CLDN10: variants seen among roughly 807,000 people sequenced by gnomAD.
CLDN10 encodes claudin-10.
Under a neutral mutation model 22.9 loss-of-function variants are expected in CLDN10, and 15 were observed. The ratio of observed to expected loss-of-function variants is 0.65; its 90% CI spans 0.44 to 1.01. The LOEUF (loss-of-function observed/expected upper bound fraction) is 1.01, where lower values mean the gene tolerates loss of function less well. CLDN10 is among the 50% of genes least tolerant of loss of function. The pLI, the probability that CLDN10 is intolerant of heterozygous loss-of-function variation, is 0.00. For missense variants in CLDN10, 247 were observed against 287.8 expected (o/e 0.86, Z 1.03); for synonymous variants, 114 against 111.4 (o/e 1.02, Z -0.15).
At chr13:95,541,082 C>T (rs2138623698) in intron 1 of CLDN10, among the ~76,000 whole-genome samples, 1 of 152,344 alleles carries the variant, frequency 6.6e-6, no homozygotes, top group South Asian at 2.1e-4. Context: ...CTGGCTCTGT[C>T]ATTAACCTGC....
At chr13:95,493,341 T>A (rs574433494) in intron 1 of CLDN10, among the ~76,000 whole-genome samples, 1 of 152,062 alleles carries the variant, frequency 6.6e-6, no homozygotes, top group Non-Finnish European at 1.5e-5. Context: ...TTTAATCATG[T>A]TTAAGTATAC....
At chr13:95,526,616 C>T (rs1413011366) in intron 1 of CLDN10, among the ~76,000 whole-genome samples, 5 of 151,908 alleles carry the variant, frequency 3.3e-5, no homozygotes, top group Admixed American at 6.6e-5. Context: ...GGTGAAACTC[C>T]GTCTCTATTA....
chr13:95,507,035 G>T (rs1429247380), intron 1 of CLDN10, among the ~76,000 whole-genome samples: 2 of 152,182 alleles, frequency 1.3e-5, no homozygotes, highest in Non-Finnish European at 2.9e-5. Context: ...GACTTACAAA[G>T]TCTCAACATA....
At chr13:95,478,950 C>A (rs2042712153) in intron 1 of CLDN10, among the ~76,000 whole-genome samples, 1 of 152,250 alleles carries the variant, frequency 6.6e-6, no homozygotes, top group Non-Finnish European at 1.5e-5. Flanking sequence ...AAGTGGCTTC[C>A]TGTGCGTAAG....
chr13:95,483,795 G>C (rs571815111), intron 1 of CLDN10, among the ~76,000 whole-genome samples: 1 of 152,290 alleles, frequency 6.6e-6, no homozygotes, highest in East Asian at 1.9e-4. Context: ...GCTTCCCCAG[G>C]CATGAGTGTG....
chr13:95,499,085 A>G (rs909625650), intron 1 of CLDN10, among the ~76,000 whole-genome samples: 25 of 152,252 alleles, frequency 1.6e-4, no homozygotes, highest in African/African-American at 5.8e-4. Context: ...ATAACATTCC[A>G]TCGTATGGAT....
intron 1 of CLDN10, among the ~76,000 whole-genome samples, chr13:95,532,848 A>C (rs1459496174): frequency 6.6e-6 from 1 of 151,528 alleles, no homozygotes; most frequent in African/African-American, 2.4e-5. Context: ...GCAACAACAT[A>C]GATGAGTCTT....
At chr13:95,440,392 G>C (rs2042313421) in intron 1 of CLDN10, among the ~76,000 whole-genome samples, 2 of 152,166 alleles carry the variant, frequency 1.3e-5, no homozygotes, top group South Asian at 2.1e-4. Context: ...AAAGTATACA[G>C]AGACTGGGAG....
intron 1 of CLDN10, among the ~76,000 whole-genome samples, chr13:95,459,835 C>T (rs1319692806): frequency 6.6e-6 from 1 of 152,206 alleles, no homozygotes; most frequent in Non-Finnish European, 1.5e-5. Context: ...ATTGCATTGT[C>T]AGGCTGCAAA....
At chr13:95,564,321 G>A (rs2043755454) in intron 3 of CLDN10, among the ~76,000 whole-genome samples, 1 of 152,206 alleles carries the variant, frequency 6.6e-6, no homozygotes, top group African/African-American at 2.4e-5. Context: ...GCCTCCCAGA[G>A]GATGGAGCAA....
intron 1 of CLDN10, among the ~76,000 whole-genome samples, chr13:95,441,563 G>A (rs905030724): frequency 6.6e-6 from 1 of 152,042 alleles, no homozygotes; most frequent in Non-Finnish European, 1.5e-5. Flanking sequence ...TTTTTATGAT[G>A]GTATCTAAAA....
chr13:95,532,613 C>T (rs1270517211), intron 1 of CLDN10, among the ~76,000 whole-genome samples: 1 of 151,654 alleles, frequency 6.6e-6, no homozygotes, highest in East Asian at 1.9e-4. Context: ...TACACTTACC[C>T]TCCCACCCAG....
chr13:95,505,557 AG>A (rs1408370038), intron 1 of CLDN10, among the ~76,000 whole-genome samples: 1 of 152,180 alleles, frequency 6.6e-6, no homozygotes, highest in Non-Finnish European at 1.5e-5. Flanking sequence ...TTTTGGCTCC[AG>A]GGTGGTTGTT....
rs572196270 is a variant in CLDN10 at position 95,439,925 on chromosome 13, T to C, written c.214+5878T>C. Among the ~76,000 whole-genome samples the C allele has an allele frequency of 1.5e-3, 230 of 152,044 alleles. 8 individuals are homozygous for C. The East Asian group carries it at 0.038, about 25-fold the overall frequency. On this transcript the variant is annotated intron_variant, in intron 1 of 4. Transcript: ENST00000376873. The stretch of plus-strand genomic sequence containing the variant: ...TGCCTCCAAAATATTAACCCTTTTT[T>C]TTTTTTGAGACAAAGTCTCGCTCTG...
intron 1 of CLDN10, among the ~76,000 whole-genome samples, chr13:95,555,573 C>T (rs148406334): frequency 6.6e-6 from 1 of 152,142 alleles, no homozygotes; most frequent in Non-Finnish European, 1.5e-5. Context: ...ATTTATGATG[C>T]CTTTTCTCAC....
chr13:95,484,567 G>T (rs557310096), intron 1 of CLDN10, among the ~76,000 whole-genome samples: 2 of 152,038 alleles, frequency 1.3e-5, no homozygotes, highest in Admixed American at 1.3e-4. Flanking sequence ...ATGAGGCCAG[G>T]TGTGGTGGCT....
At chr13:95,452,001 G>A (rs1030707236) in intron 1 of CLDN10, among the ~76,000 whole-genome samples, 3 of 152,256 alleles carry the variant, frequency 2.0e-5, no homozygotes, top group Admixed American at 1.3e-4. Flanking sequence ...TGCTCTTAGC[G>A]GCTCACCCTG....
In CLDN10 at chr13:95,553,026, C is replaced by A. The variant is rs961937910; in HGVS notation, c.220+53C>A. The A allele has an allele frequency of 1.6e-5, 26 of 1,596,166 alleles. No homozygotes were observed. The African/African-American group carries it at 3.5e-4, about 21-fold the overall frequency. ...AGCCCTCCTTCCTTGATGGCCAGCCCGCTAGGCGCCCTCTCGCCCCCAATA... is the reference window on the plus strand; with the variant it reads ...AGCCCTCCTTCCTTGATGGCCAGCCAGCTAGGCGCCCTCTCGCCCCCAATA... On this transcript the variant is annotated intron_variant, in intron 1 of 4. Transcript: ENST00000299339.
intron 1 of CLDN10, among the ~76,000 whole-genome samples, chr13:95,502,844 G>T (rs2042999987): frequency 6.6e-6 from 1 of 152,206 alleles, no homozygotes; most frequent in Non-Finnish European, 1.5e-5. Flanking sequence ...AAGTGAGGGG[G>T]ATGTGCACTC....
Sources: allele counts gnomAD v4.1 joint callset (sites outside exome capture counted in the v4.1 genomes callset), GRCh38; gene constraint gnomAD v4.1.1; transcripts MANE v1.5; gene names NCBI Gene and HGNC (gene_info 2026-07-23, HGNC 2026-07-21).